The following IMMP2L variants were observed in gnomAD, a reference collection of about 807,000 sequenced individuals.
IMMP2L encodes inner mitochondrial membrane peptidase subunit 2, also known as mitochondrial inner membrane protease subunit 2.
IMMP2L carries 18 observed loss-of-function variants against 19.3 expected under a neutral mutation model. The observed-to-expected ratio is 0.93, with a 90% CI of 0.64 to 1.38. The LOEUF is 1.38. IMMP2L is among the 40% of genes most tolerant of loss of function. IMMP2L has a pLI of 0.00. For synonymous variants in IMMP2L, 76 were observed against 73.0 expected (o/e 1.04, Z -0.21); for missense variants, 233 against 218.2 (o/e 1.07, Z -0.43).
At chr7:111,216,675 GTGGAA>G (rs1290874732) in intron 3 of IMMP2L, among the ~76,000 whole-genome samples, 1 of 152,100 alleles carries the variant, frequency 6.6e-6, no homozygotes, top group Non-Finnish European at 1.5e-5. Context: ...TACCCTTAAA[GTGGAA>G]TTTTCAAATA....
At chr7:110,995,131 C>T (rs997379687) in intron 3 of IMMP2L, among the ~76,000 whole-genome samples, 11 of 151,874 alleles carry the variant, frequency 7.2e-5, no homozygotes, top group African/African-American at 2.2e-4. Context: ...ATACCAAGAC[C>T]GAGAACTCAG....
intron 3 of IMMP2L, among the ~76,000 whole-genome samples, chr7:111,170,768 T>C (rs1228785457): frequency 6.6e-6 from 1 of 151,816 alleles, no homozygotes; most frequent in African/African-American, 2.4e-5. Context: ...TTAATTTTTA[T>C]AGATTTAGGA....
chr7:110,887,221 A>G (rs896549228), intron 4 of IMMP2L, among the ~76,000 whole-genome samples: 27 of 152,158 alleles, frequency 1.8e-4, no homozygotes, highest in African/African-American at 6.3e-4. Context: ...TTCTTGTTAG[A>G]TACAAACTAT....
intron 3 of IMMP2L, among the ~76,000 whole-genome samples, chr7:111,373,996 A>G (rs928738676): frequency 6.6e-6 from 1 of 152,088 alleles, no homozygotes; most frequent in African/African-American, 2.4e-5. Flanking sequence ...GCCAAACATC[A>G]ATTTCTAATG....
chr7:111,386,142 C>T (rs1465593390), intron 3 of IMMP2L, among the ~76,000 whole-genome samples: 1 of 151,754 alleles, frequency 6.6e-6, no homozygotes, highest in African/African-American at 2.4e-5. Context: ...CCTCCCAAAG[C>T]AGTGGGATAA....
chr7:110,948,432 A>G (rs1817471652), intron 4 of IMMP2L, among the ~76,000 whole-genome samples: 1 of 152,158 alleles, frequency 6.6e-6, no homozygotes, highest in African/African-American at 2.4e-5. Context: ...TTTTCTCTCT[A>G]CTATTGGTTT....
At chr7:111,325,080 T>G (rs898202146) in intron 3 of IMMP2L, among the ~76,000 whole-genome samples, 28 of 151,802 alleles carry the variant, frequency 1.8e-4, no homozygotes, top group African/African-American at 6.8e-4. Context: ...TCATAGAGAA[T>G]GCAATGTTCA....
rs112636680 is a variant in IMMP2L, at chr7:111,416,095, G to A, written c.239+71143C>T. Among the ~76,000 whole-genome samples the A allele has an allele frequency of 2.8e-4, 43 of 151,678 alleles. 1 individual carries two copies. In the East Asian group the frequency reaches 6.2e-3, roughly 22 times the overall value. On this transcript the variant is annotated intron_variant, in intron 3 of 5. Transcript: ENST00000405709. Reference sequence around the variant, plus strand: ...TTATAATTATTACATGTAGATCTACGGAGAACATCTATTCCCAGTTTTTGT... The same window carrying A: ...TTATAATTATTACATGTAGATCTACAGAGAACATCTATTCCCAGTTTTTGT...
intron 4 of IMMP2L, among the ~76,000 whole-genome samples, chr7:110,946,942 G>A (rs910889683): frequency 6.6e-6 from 1 of 151,908 alleles, no homozygotes; most frequent in Non-Finnish European, 1.5e-5. Flanking sequence ...GGATGGTCTC[G>A]ATACCCTGAC....
intron 3 of IMMP2L, among the ~76,000 whole-genome samples, chr7:111,479,976 T>C (rs1842039307): frequency 6.6e-6 from 1 of 152,152 alleles, no homozygotes; most frequent in African/African-American, 2.4e-5. Flanking sequence ...AATTTGTCTC[T>C]GAACTAAGAA....
chr7:110,991,377 T>C (rs1388210418), intron 3 of IMMP2L, among the ~76,000 whole-genome samples: 1 of 152,188 alleles, frequency 6.6e-6, no homozygotes, highest in Non-Finnish European at 1.5e-5. Flanking sequence ...CCACCATTCA[T>C]AAAATAATTA....
chr7:110,999,725 T>C (rs1305448562), intron 3 of IMMP2L, among the ~76,000 whole-genome samples: 2 of 152,100 alleles, frequency 1.3e-5, no homozygotes, highest in Non-Finnish European at 1.5e-5. Context: ...GGTCTCCCCA[T>C]AGGCCTGGCA....
chr7:110,824,456 C>T (rs1296309133), intron 5 of IMMP2L, among the ~76,000 whole-genome samples: 1 of 152,034 alleles, frequency 6.6e-6, no homozygotes, highest in African/African-American at 2.4e-5. Flanking sequence ...TATATGAATT[C>T]CCCAGGCTCA....
At chr7:111,301,682 G>A (rs974593698) in intron 3 of IMMP2L, among the ~76,000 whole-genome samples, 1 of 151,910 alleles carries the variant, frequency 6.6e-6, no homozygotes. Context: ...TGAATGTCCA[G>A]TTTCTCCAGC....
intron 3 of IMMP2L, among the ~76,000 whole-genome samples, chr7:110,987,309 G>T (rs1479163791): frequency 6.6e-6 from 1 of 152,168 alleles, no homozygotes; most frequent in African/African-American, 2.4e-5. Context: ...GGTAATCAGA[G>T]TTGACAGCTA....
chr7:110,685,179 C>A (rs537171731), intron 5 of IMMP2L, among the ~76,000 whole-genome samples: 144 of 152,148 alleles, frequency 9.5e-4, no homozygotes, highest in Non-Finnish European at 7.4e-4. Flanking sequence ...GCTCCTGGAG[C>A]ACCATAATGT....
intron 3 of IMMP2L, among the ~76,000 whole-genome samples, chr7:111,287,553 A>G (rs1196342814): frequency 6.6e-6 from 1 of 152,120 alleles, no homozygotes; most frequent in Non-Finnish European, 1.5e-5. Context: ...CACACCAAAA[A>G]AAAAAAATAA....
intron 5 of IMMP2L, among the ~76,000 whole-genome samples, chr7:110,762,252 T>C (rs1798393617): frequency 6.6e-6 from 1 of 152,096 alleles, no homozygotes; most frequent in African/African-American, 2.4e-5. Flanking sequence ...ACTTTTTTTT[T>C]TTCCCCATCG....
At chr7:111,272,920 G>A (rs1340897885) in intron 3 of IMMP2L, among the ~76,000 whole-genome samples, 1 of 152,090 alleles carries the variant, frequency 6.6e-6, no homozygotes, top group African/African-American at 2.4e-5. Flanking sequence ...TCTAGATGTT[G>A]GAGGAGGTGA....
Sources: allele counts gnomAD v4.1 joint callset (sites outside exome capture counted in the v4.1 genomes callset), GRCh38; gene constraint gnomAD v4.1.1; transcripts MANE v1.5; gene names NCBI Gene and HGNC (gene_info 2026-07-23, HGNC 2026-07-21).